The following DOT1L variants were observed in gnomAD, a reference collection of about 807,000 sequenced individuals.
The protein encoded by DOT1L is DOT1 like histone lysine methyltransferase.
Under a neutral mutation model 153.3 loss-of-function variants are expected in DOT1L, and 33 were observed. The observed-to-expected ratio is 0.22, with a 90% confidence interval of 0.16 to 0.29. DOT1L has a LOEUF of 0.29. Ranked by LOEUF, DOT1L falls within the 10% of genes least tolerant of loss-of-function variation. The pLI is 1.00. For synonymous variants in DOT1L, 1,135 were observed against 965.1 expected (o/e 1.18, Z -3.26); for missense variants, 1,847 against 2,119.9 (o/e 0.87, Z 2.53).
Position 2,204,101 on chromosome 19 carries a change from C to T in DOT1L, c.787+1322C>T, listed in dbSNP as rs572822740. Among the ~76,000 whole-genome samples, 1 of 152,002 alleles carries T rather than the reference C, an allele frequency of 6.6e-6. No individual in the cohort carries two copies. The highest frequency in any genetic ancestry group is 2.1e-4 in the South Asian group (1 of 4,790). ...TTGGAGGGTGCTTGTGTGCCTGTGT[C>T]TGTGTGTGCGTGTCTGTGTCTCTGT... On this transcript the variant is annotated intron_variant, in intron 9 of 27. Coordinates refer to ENST00000398665, the MANE Select transcript of DOT1L (RefSeq NM_032482.3). This position sits in a 1 kb window ranked among gnomAD's most constrained non-coding sequence, Gnocchi z 5.7.
chr19:2,164,622 A>G (rs1168911525), intron 1 of DOT1L, among the ~76,000 whole-genome samples: 1 of 132,804 alleles, frequency 7.5e-6, no homozygotes, highest in East Asian at 2.6e-4. Context: ...CGGCGCTGTC[A>G]GTGTGTCCGC....
rs898852447 is a variant in DOT1L at position 2,230,677 on chromosome 19, A to C, written c.*885A>C. ...TATAGAGATGTGATGAGAATTTATA[A>C]ATTTCATAGATTTGACAGCTTTTAT... On this transcript the variant is annotated 3_prime_UTR_variant, in exon 28 of 28. Coordinates refer to ENST00000398665, the MANE Select transcript of DOT1L (RefSeq NM_032482.3). 2.5e-6 allele frequency: 1 copy of C among 398,088 alleles called. No homozygotes were observed. Among genetic ancestry groups the C allele is most frequent in the African/African-American group, 2.1e-5 (1 of 48,630 alleles). The allele number at this position is 398,088 out of a possible 1,614,324, so 24.7% of individuals were successfully genotyped here.
Position 2,207,789 on chromosome 19 carries a change from G to T in DOT1L, c.963+109G>T. 1 of 996,988 alleles carries T rather than the reference G, an allele frequency of 1.0e-6. No individual in the cohort carries two copies. The highest frequency in any genetic ancestry group is 1.6e-5 in the South Asian group (1 of 61,816). The allele number at this position is 996,988 out of a possible 1,614,324, so 61.8% of individuals were successfully genotyped here. A position where few individuals can be genotyped will look rare whatever the true frequency, so the allele number is the denominator to read the frequency against. ...TGGCCTCTGAGACCCTCCCCTCAGAGCCCTCAACGCCCCCCGGCCCCTGAG... is the reference window on the plus strand; with the variant it reads ...TGGCCTCTGAGACCCTCCCCTCAGATCCCTCAACGCCCCCCGGCCCCTGAG... On this transcript the variant is annotated intron_variant, in intron 11 of 27. Transcript: ENST00000398665. This position sits in a 1 kb window ranked among gnomAD's most constrained non-coding sequence, Gnocchi z 4.5.
chr19:2,219,488 G>A (rs1050184483), intron 22 of DOT1L, among the ~76,000 whole-genome samples: 1 of 152,242 alleles, frequency 6.6e-6, no homozygotes, highest in African/African-American at 2.4e-5. Context: ...TGTGGATGGA[G>A]TGTGCCATCT....
At position 2,226,855 on chromosome 19, in the gene DOT1L, CCCCGGCGGCGTCCT is replaced by C; in HGVS notation, c.4337_4350del (p.Pro1446ArgfsTer87). 1 of 1,578,104 alleles carries C rather than the reference CCCCGGCGGCGTCCT, an allele frequency of 6.3e-7. No homozygotes were observed. Among genetic ancestry groups the C allele is most frequent in the South Asian group, 1.1e-5 (1 of 88,180 alleles). On this transcript the variant is annotated frameshift_variant, in exon 27 of 28. Coordinates refer to ENST00000398665, the MANE Select transcript of DOT1L (RefSeq NM_032482.3). LOFTEE classifies it high-confidence loss of function. ...AGCCTCCTCAGCGGCCCCGGCCTGG[CCCCGGCGGCGTCCT>C]CCGCAGGCGGCGCGGCGTCCTCCGC... is the stretch of plus-strand genomic sequence containing the variant.
chr19:2,178,415 A>ATTT (rs1174458033), intron 1 of DOT1L, among the ~76,000 whole-genome samples: 9 of 128,356 alleles, frequency 7.0e-5, no homozygotes, highest in East Asian at 2.3e-4. Context: ...TCACTTTGAA[A>ATTT]TTTTTTTTTT....
At chr19:2,228,026 A>G (rs1599630156) in intron 27 of DOT1L, 7 of 1,180,172 alleles carry the variant, frequency 5.9e-6, no homozygotes, top group South Asian at 1.5e-5. Flanking sequence ...CTCCTCCCCC[A>G]ACGCTGCTGG....
intron 27 of DOT1L, chr19:2,227,907 CCTCCG>C: frequency 8.3e-7 from 1 of 1,201,058 alleles, no homozygotes; most frequent in Admixed American, 3.5e-5. Flanking sequence ...CCGGCCGCCC[CCTCCG>C]CCTCCGCCTC....
intron 7 of DOT1L, among the ~76,000 whole-genome samples, chr19:2,194,981 A>G (rs1044169313): frequency 4.6e-5 from 7 of 152,060 alleles, no homozygotes; most frequent in African/African-American, 1.7e-4. Context: ...TGTGTTCTTC[A>G]TGACAAGCCA....
In DOT1L at chr19:2,229,827, C is replaced by T. The variant is rs371507722; in HGVS notation, c.*35C>T. On this transcript the variant is annotated 3_prime_UTR_variant, in exon 28 of 28. Transcript: ENST00000398665. ...CTCAACCGCGAGACCTATGCAAGGA[C>T]GGTGTGGACCAACTCGCGCCCGCGG... The T allele has an allele frequency of 6.9e-4, 1,108 of 1,612,970 alleles. No homozygotes were observed. Among genetic ancestry groups the T allele is most frequent in the Non-Finnish European group, 9.1e-4 (1,070 of 1,179,916 alleles).
chr19:2,224,007 C>G (rs772617445), intron 25 of DOT1L, among the ~76,000 whole-genome samples: 1 of 152,210 alleles, frequency 6.6e-6, no homozygotes, highest in Non-Finnish European at 1.5e-5. Context: ...ACCCCCCGCC[C>G]CCATCCTACT....
rs534571750 is a variant in DOT1L at position 2,217,744 on chromosome 19, C to A, written c.2545-28C>A. 1 of 1,583,572 alleles carries A rather than the reference C, an allele frequency of 6.3e-7. No homozygotes were observed. Among genetic ancestry groups the A allele is most frequent in the East Asian group, 2.3e-5 (1 of 42,894 alleles). On this transcript the variant is annotated intron_variant, in intron 21 of 27. Transcript: ENST00000398665. The surrounding 1 kb of genome is among the most constrained non-coding windows in gnomAD (Gnocchi z 7.3). ...TGTCCTGGAGGGGTTTGTTGACCCA[C>A]GACTGGGGGTCGGGCCTTCGTCTGC... is the stretch of plus-strand genomic sequence containing the variant.
rs1028791199 is a variant in DOT1L at position 2,230,420 on chromosome 19, G to A, written c.*628G>A. ...TGAACCCCCAGACTGTTCACCCTCC[G>A]GGGCGTGGGTTGCGCCCTTGCATGT... is the stretch of plus-strand genomic sequence containing the variant. On this transcript the variant is annotated 3_prime_UTR_variant, in exon 28 of 28. Coordinates refer to ENST00000398665, the MANE Select transcript of DOT1L (RefSeq NM_032482.3). 14 of 400,224 alleles carry A rather than the reference G, an allele frequency of 3.5e-5. No individual in the cohort carries two copies. Among genetic ancestry groups the A allele is most frequent in the East Asian group, 1.4e-4 (4 of 28,098 alleles). 24.8% of individuals were successfully genotyped at this position (400,224 alleles called of 1,614,324 possible).
intron 9 of DOT1L, among the ~76,000 whole-genome samples, chr19:2,205,096 G>T (rs1336011020): frequency 6.6e-6 from 1 of 151,762 alleles, no homozygotes; most frequent in Non-Finnish European, 1.5e-5. Flanking sequence ...TCAGCCTCCC[G>T]AGTAGCTGGG....
rs1255005125 is a variant in DOT1L, at chr19:2,226,689, G to C, written c.4168G>C (p.Gly1390Arg). ...CGAGGGCAGCCGCGGCAAGGAGGCAGGGGAGGGCGGCCTACCGCTGTGCGG... is the reference window on the plus strand; with the variant it reads ...CGAGGGCAGCCGCGGCAAGGAGGCACGGGAGGGCGGCCTACCGCTGTGCGG... ...KGEGSRGKEA[G>R]EGGLPLCGPT... The change falls in exon 27 of 28, where the codon GGG (glycine) becomes CGG (arginine). Residue 1390 changes from glycine to arginine, a missense_variant. Gly to Arg is a moderately radical substitution (Grantham distance 125). This residue lies in a region of DOT1L where 934 missense variants were observed against 825.3 expected (regional missense o/e 1.13). Transcript: ENST00000398665. The C allele has an allele frequency of 1.3e-6, 2 of 1,573,332 alleles. No individual in the cohort carries two copies. Among genetic ancestry groups the C allele is most frequent in the Non-Finnish European group, 1.7e-6 (2 of 1,164,118 alleles).
intron 19 of DOT1L, chr19:2,215,427 G>A (rs914613623): frequency 3.3e-5 from 5 of 152,308 alleles, no homozygotes; most frequent in African/African-American, 1.2e-4. Context: ...GTGCAGCCTA[G>A]AAAGCAGCAG....
At chr19:2,169,437 T>G (rs966413578) in intron 1 of DOT1L, among the ~76,000 whole-genome samples, 1 of 152,134 alleles carries the variant, frequency 6.6e-6, no homozygotes, top group African/African-American at 2.4e-5. Context: ...CAGGGGGTAC[T>G]GGGGCGGGGA....
rs2024627763 is a variant in DOT1L at position 2,232,157 on chromosome 19, T to TGAC, written c.*2366_*2368dup. 2.2e-5 allele frequency: 5 copies of TGAC among 223,804 alleles called. No homozygotes were observed. In the East Asian group the frequency reaches 3.2e-4, roughly 14 times the overall value. 13.9% of individuals were successfully genotyped at this position (223,804 alleles called of 1,614,324 possible). ...TGGCGGGGACCTGTGCTGCTGCTGC[T>TGAC]GACTGTGGGTGGGCGGGCGGCGCCT... On this transcript the variant is annotated 3_prime_UTR_variant, in exon 28 of 28. Transcript: ENST00000398665.
At position 2,204,484 on chromosome 19, in the gene DOT1L, T is replaced by C. The variant is rs1459339041; in HGVS notation, c.787+1705T>C. On this transcript the variant is annotated intron_variant, in intron 9 of 27. Coordinates refer to ENST00000398665, the MANE Select transcript of DOT1L (RefSeq NM_032482.3). This position sits in a 1 kb window ranked among gnomAD's most constrained non-coding sequence, Gnocchi z 5.7. ...TACGGGCCTCCCTGCACCCTGCAGC[T>C]GCATGCAGGAAGGCAGCAGTGGCTT... Among the ~76,000 whole-genome samples, 1 of 152,166 alleles carries C rather than the reference T, an allele frequency of 6.6e-6. No homozygotes were observed. Among genetic ancestry groups the C allele is most frequent in the Admixed American group, 6.6e-5 (1 of 15,256 alleles).
Sources: allele counts gnomAD v4.1 joint callset (sites outside exome capture counted in the v4.1 genomes callset), GRCh38; gene constraint gnomAD v4.1.1; regional missense constraint gnomAD v4.1.1; non-coding constraint Gnocchi (gnomAD v3.1); transcripts MANE v1.5; gene names NCBI Gene and HGNC (gene_info 2026-07-23, HGNC 2026-07-21).